The following PPM1F variants were observed in gnomAD, a reference collection of about 807,000 sequenced individuals.
The protein encoded by PPM1F is protein phosphatase, Mg2+/Mn2+ dependent 1F.
In PPM1F, 17 loss-of-function variants were observed where a neutral mutation model predicts 35.5. That is an observed-to-expected ratio of 0.48 (90% CI 0.33 to 0.72). The LOEUF (loss-of-function observed/expected upper bound fraction) is 0.72, where lower values mean the gene tolerates loss of function less well. Among genes scored for constraint, PPM1F ranks in the 30% least tolerant of loss-of-function variants. The pLI, the probability that PPM1F is intolerant of heterozygous loss-of-function variation, is 0.02. For synonymous variants in PPM1F, 241 were observed against 255.5 expected (o/e 0.94, Z 0.54); for missense variants, 521 against 613.0 (o/e 0.85, Z 1.59).
chr22:21,950,421 C>T (rs2145811119), intron 1 of PPM1F: 1 of 150,344 alleles, frequency 6.7e-6, no homozygotes, highest in East Asian at 1.9e-4. Flanking sequence ...TATTTATTTT[C>T]CTCTAGTGCA....
In PPM1F at chr22:21,925,693, G is replaced by A. The variant is rs762411106; in HGVS notation, c.892-31C>T. On this transcript the variant is annotated intron_variant, in intron 6 of 7. Transcript: ENST00000263212. The stretch of plus-strand genomic sequence containing the variant: ...GAAACACAGCCAGAGTTGGGGGCAG[G>A]GCCGGGGGGATGGGGCGTGAAGCCC... The A allele has an allele frequency of 3.3e-5, 51 of 1,536,898 alleles. No homozygotes were observed. The South Asian group carries it at 6.1e-4, about 18-fold the overall frequency.
At chr22:21,929,189 C>T (rs73877684) in intron 6 of PPM1F, among the ~76,000 whole-genome samples, 1,859 of 152,208 alleles carry the variant, frequency 0.012, 47 homozygotes, top group African/African-American at 0.042. Flanking sequence ...GATTAATTCT[C>T]TAGGGTGGAA....
intron 5 of PPM1F, 50 bp downstream of exon 5, chr22:21,933,341 A>G (rs1601782861): frequency 1.3e-6 from 2 of 1,529,920 alleles, no homozygotes; most frequent in Non-Finnish European, 1.8e-6. Context: ...AGAGGCTGGG[A>G]CTCTCACTGG....
intron 1 of PPM1F, chr22:21,951,978 C>T (rs935470391): frequency 6.6e-5 from 10 of 152,284 alleles, no homozygotes; most frequent in African/African-American, 1.9e-4. Context: ...TTCTATCCCC[C>T]GTGGTGAGAG....
intron 1 of PPM1F, chr22:21,946,353 A>C: frequency 3.5e-6 from 1 of 287,206 alleles, no homozygotes; most frequent in Non-Finnish European, 6.5e-6. Flanking sequence ...GAAGTGACAG[A>C]GGAGGAAGAC....
chr22:21,935,243 C>T (rs2070645742), intron 3 of PPM1F: 2 of 152,154 alleles, frequency 1.3e-5, no homozygotes, highest in Admixed American at 1.3e-4. Flanking sequence ...TAAACCAGTC[C>T]CCTAAAGTTA....
intron 6 of PPM1F, among the ~76,000 whole-genome samples, chr22:21,927,955 T>TTTTTTTTTG (rs2070539648): frequency 7.0e-6 from 1 of 142,380 alleles, no homozygotes; most frequent in Non-Finnish European, 1.5e-5. Flanking sequence ...TTTTTTTTTT[T>TTTTTTTTTG]TTTTTTTTTT....
rs376821015 is a variant in PPM1F, at chr22:21,922,942, G to A, written c.*150C>T. On this transcript the variant is annotated 3_prime_UTR_variant, in exon 8 of 8. Coordinates refer to ENST00000263212, the MANE Select transcript of PPM1F (RefSeq NM_014634.4). ...TTCCACAGCCACCAGGACGGGCTGCGGGGGGTGTCCCGACTGGCTCTGGGG... is the reference window on the plus strand; with the variant it reads ...TTCCACAGCCACCAGGACGGGCTGCAGGGGGTGTCCCGACTGGCTCTGGGG... 15 of 961,046 alleles carry A rather than the reference G, an allele frequency of 1.6e-5. No individual in the cohort carries two copies. The South Asian group carries it at 1.7e-4, about 11-fold the overall frequency. The allele number at this position is 961,046 out of a possible 1,614,324, so 59.5% of individuals were successfully genotyped here.
At chr22:21,938,276 GCCC>G (rs2145801708) in intron 3 of PPM1F, 1 of 1,279,882 alleles carries the variant, frequency 7.8e-7, no homozygotes, top group Admixed American at 2.4e-5. Flanking sequence ...CGGTGGCGGC[GCCC>G]CCTTGGTGGG....
Position 21,922,651 on chromosome 22 carries a change from A to C in PPM1F, c.*441T>G. 6.3e-6 allele frequency: 1 copy of C among 159,554 alleles called. No homozygotes were observed. Among genetic ancestry groups the C allele is most frequent in the East Asian group, 1.9e-4 (1 of 5,348 alleles). 9.9% of individuals were successfully genotyped at this position (159,554 alleles called of 1,614,324 possible). On this transcript the variant is annotated 3_prime_UTR_variant, in exon 8 of 8. Coordinates refer to ENST00000263212, the MANE Select transcript of PPM1F (RefSeq NM_014634.4). ...CTGGCCCTGGCCGCAGAGAGGAGCA[A>C]TGGGAAACTGGGGCTGGCCACTCCG...
intron 5 of PPM1F, 62 bp from the exon 6 acceptor site, chr22:21,931,353 G>A: frequency 1.3e-6 from 2 of 1,528,328 alleles, no homozygotes; most frequent in African/African-American, 2.7e-5. Context: ...GGATGACACG[G>A]GGCAGGATGA....
intron 6 of PPM1F, among the ~76,000 whole-genome samples, chr22:21,927,937 G>GTTTTTTTTTTTTTTTTT (rs1392008034): frequency 4.4e-5 from 3 of 68,106 alleles, no homozygotes; most frequent in East Asian, 1.2e-3. Flanking sequence ...TCTGTTTTTT[G>GTTTTTTTTTTTTTTTTT]TTTTGTTTTT....
At chr22:21,938,229 G>A in intron 3 of PPM1F, 3 of 1,303,026 alleles carry the variant, frequency 2.3e-6, no homozygotes, top group Non-Finnish European at 2.0e-6. Context: ...TCTCCCGCGT[G>A]GACGGACAGA....
intron 3 of PPM1F, 142 bp from the exon 4 acceptor site, chr22:21,934,368 C>A: frequency 1.6e-6 from 1 of 645,058 alleles, no homozygotes; most frequent in South Asian, 2.0e-5. Context: ...CTCAATAACG[C>A]GCACATGGCA....
intron 6 of PPM1F, among the ~76,000 whole-genome samples, chr22:21,926,775 G>T (rs938241044): frequency 6.6e-6 from 1 of 152,148 alleles, no homozygotes; most frequent in Non-Finnish European, 1.5e-5. Flanking sequence ...TAGTCCCCAG[G>T]CACAGCACCA....
chr22:21,930,933 C>T (rs542462676), intron 6 of PPM1F, among the ~76,000 whole-genome samples: 5 of 152,312 alleles, frequency 3.3e-5, no homozygotes, highest in South Asian at 4.1e-4. Flanking sequence ...TGCTCTCCCC[C>T]GGAGCTCTGG....
At position 21,931,190 on chromosome 22, in the gene PPM1F, T is replaced by TCCC; in HGVS notation, c.846_848dup (p.Gly283dup). 6.2e-7 allele frequency: 1 copy of TCCC among 1,614,166 alleles called. No individual in the cohort carries two copies. The highest frequency in any genetic ancestry group is 8.5e-7 in the Non-Finnish European group (1 of 1,180,022). On this transcript the variant is annotated inframe_insertion, in exon 6 of 8. Transcript: ENST00000263212. ...GTGGCTCCATCAGCTTCACCACCTGTCCCTGCTGTACCAAAATGACCTGGG... is the reference window on the plus strand; with the variant it reads ...GTGGCTCCATCAGCTTCACCACCTGTCCCCCCTGCTGTACCAAAATGACCTGGG...
At chr22:21,938,597 T>G in intron 3 of PPM1F, 3 of 1,023,388 alleles carry the variant, frequency 2.9e-6, no homozygotes, top group Admixed American at 5.3e-5. Context: ...GGAAAGGAAA[T>G]GGCAAAGGAA....
Position 21,939,447 on chromosome 22 carries a change from C to T in PPM1F, c.355+85G>A. 6.4e-7 allele frequency: 1 copy of T among 1,556,760 alleles called. No homozygotes were observed. Among genetic ancestry groups the T allele is most frequent in the Non-Finnish European group, 8.7e-7 (1 of 1,145,452 alleles). On this transcript the variant is annotated intron_variant, in intron 3 of 7. Coordinates refer to ENST00000263212, the MANE Select transcript of PPM1F (RefSeq NM_014634.4). The surrounding 1 kb of genome is among the most constrained non-coding windows in gnomAD (Gnocchi z 5.1). ...GAGGGCCCCAGCACCCTTAGGGACC[C>T]CAATCAATGGGCTTCCCACAATGTC... is the stretch of plus-strand genomic sequence containing the variant.
Sources: allele counts gnomAD v4.1 joint callset (sites outside exome capture counted in the v4.1 genomes callset), GRCh38; gene constraint gnomAD v4.1.1; non-coding constraint Gnocchi (gnomAD v3.1); transcripts MANE v1.5; gene names NCBI Gene and HGNC (gene_info 2026-07-23, HGNC 2026-07-21).